Variants in KCNIP1 observed in about 807,000 individuals in gnomAD.
KCNIP1 encodes the protein A-type potassium channel modulatory protein KCNIP1.
In KCNIP1, 18 loss-of-function variants were observed where a neutral mutation model predicts 33.0. That is an observed-to-expected ratio of 0.55 (90% confidence interval 0.38 to 0.81). The LOEUF is 0.81. Ranked by LOEUF, KCNIP1 falls within the 30% of genes least tolerant of loss-of-function variation. KCNIP1 has a pLI of 0.00. For missense variants in KCNIP1, 238 were observed against 271.6 expected (o/e 0.88, Z 0.87); for synonymous variants, 93 against 98.3 (o/e 0.95, Z 0.32).
At chr5:170,481,757 A>G (rs1385418383) in intron 1 of KCNIP1, among the ~76,000 whole-genome samples, 3 of 152,106 alleles carry the variant, frequency 2.0e-5, no homozygotes, top group Non-Finnish European at 4.4e-5. Context: ...TGAATTTGGG[A>G]TTTATTACCT....
chr5:170,362,769 T>C (rs1024125660), intron 1 of KCNIP1, among the ~76,000 whole-genome samples: 3 of 152,224 alleles, frequency 2.0e-5, no homozygotes, highest in African/African-American at 7.2e-5. Context: ...CCTAATTTTC[T>C]TTCTGTAATC....
upstream of KCNIP1, chr5:170,503,983 C>A (rs909735640): frequency 6.4e-6 from 6 of 935,134 alleles, no homozygotes; most frequent in Non-Finnish European, 7.6e-6. Flanking sequence ...CGTAGTTGCC[C>A]GCCCGCCGCC....
chr5:170,466,710 C>T (rs891667694), intron 1 of KCNIP1, among the ~76,000 whole-genome samples: 1 of 152,130 alleles, frequency 6.6e-6, no homozygotes, highest in Non-Finnish European at 1.5e-5. Context: ...GCTATGTTCT[C>T]ACATGGTAGA....
rs140969377 is a variant in KCNIP1, at chr5:170,728,976, C to A, written c.436-3824C>A. Among the ~76,000 whole-genome samples the A allele has an allele frequency of 2.6e-3, 396 of 151,960 alleles. 2 individuals are homozygous for A. Among genetic ancestry groups the A allele is most frequent in the African/African-American group, 8.6e-3 (356 of 41,496 alleles). On this transcript the variant is annotated intron_variant, in intron 5 of 7. Transcript: ENST00000328939. The stretch of plus-strand genomic sequence containing the variant: ...TAGATCAATGGAACAAAATAGAAAT[C>A]CCAGGTACAAATACCATCTTGGTTC...
At chr5:170,377,125 C>T (rs1764034844) in intron 1 of KCNIP1, 1 of 152,326 alleles carries the variant, frequency 6.6e-6, no homozygotes, top group African/African-American at 2.4e-5. Flanking sequence ...TCACACCCAG[C>T]TCAGGACTGG....
chr5:170,560,596 T>G (rs1471301071), intron 1 of KCNIP1, among the ~76,000 whole-genome samples: 5 of 152,178 alleles, frequency 3.3e-5, no homozygotes, highest in African/African-American at 1.2e-4. Context: ...TTCTTGGTGG[T>G]GAAGGGGGCA....
At chr5:170,433,610 C>T (rs1451690821) in intron 1 of KCNIP1, among the ~76,000 whole-genome samples, 1 of 152,186 alleles carries the variant, frequency 6.6e-6, no homozygotes, top group Non-Finnish European at 1.5e-5. Flanking sequence ...AGAGGAGATG[C>T]TCAGTGATAA....
intron 1 of KCNIP1, among the ~76,000 whole-genome samples, chr5:170,425,015 A>G (rs1342289535): frequency 6.6e-6 from 1 of 152,200 alleles, no homozygotes; most frequent in Non-Finnish European, 1.5e-5. Context: ...TCAACCTGTC[A>G]TTCAGACCTC....
At chr5:170,698,155 AGCACT>A (rs1316024409) in intron 1 of KCNIP1, among the ~76,000 whole-genome samples, 1 of 152,162 alleles carries the variant, frequency 6.6e-6, no homozygotes, top group African/African-American at 2.4e-5. Flanking sequence ...CCATGTGGTA[AGCACT>A]GCCGGGTACC....
intron 1 of KCNIP1, among the ~76,000 whole-genome samples, chr5:170,479,399 A>G (rs1444770732): frequency 6.6e-6 from 1 of 152,158 alleles, no homozygotes; most frequent in Non-Finnish European, 1.5e-5. Context: ...ATTTTTTTCC[A>G]AGACTATTAG....
At chr5:170,506,426 A>G (rs1283887006) in intron 1 of KCNIP1, among the ~76,000 whole-genome samples, 1 of 152,164 alleles carries the variant, frequency 6.6e-6, no homozygotes, top group Non-Finnish European at 1.5e-5. Flanking sequence ...AAGTTGTTGT[A>G]AGGATGTGAG....
At chr5:170,549,018 C>A (rs1439934660) in intron 1 of KCNIP1, among the ~76,000 whole-genome samples, 2 of 152,106 alleles carry the variant, frequency 1.3e-5, no homozygotes, top group African/African-American at 4.8e-5. Context: ...ACCTCACGGT[C>A]ACTGTGAGGG....
At chr5:170,652,611 G>A (rs1741399022) in intron 1 of KCNIP1, among the ~76,000 whole-genome samples, 1 of 152,148 alleles carries the variant, frequency 6.6e-6, no homozygotes, top group African/African-American at 2.4e-5. Flanking sequence ...AGGAAAGGGG[G>A]CATTGCCCAC....
At position 170,557,431 on chromosome 5, in the gene KCNIP1, C is replaced by T. The variant is rs1756880367; in HGVS notation, c.61+52798C>T. Reference sequence around the variant, plus strand: ...ACCTCATGCCTTCTTCCCCTTCCCTCCTTCTCTCCTGCCTCCCCCTGCATT... The same window carrying T: ...ACCTCATGCCTTCTTCCCCTTCCCTTCTTCTCTCCTGCCTCCCCCTGCATT... On this transcript the variant is annotated intron_variant, in intron 1 of 7. Transcript: ENST00000328939. Among the ~76,000 whole-genome samples, 3 of 152,198 alleles carry T rather than the reference C, an allele frequency of 2.0e-5. No homozygotes were observed. The South Asian group carries it at 6.2e-4, about 32-fold the overall frequency.
intron 1 of KCNIP1, among the ~76,000 whole-genome samples, chr5:170,368,421 C>A (rs1163834042): frequency 6.6e-6 from 1 of 152,082 alleles, no homozygotes. Flanking sequence ...CCGGCCACCA[C>A]AGCCAGCTAA....
chr5:170,602,287 C>G (rs1007836964), intron 1 of KCNIP1, among the ~76,000 whole-genome samples: 1 of 152,202 alleles, frequency 6.6e-6, no homozygotes, highest in African/African-American at 2.4e-5. Context: ...CTTCCCTCCT[C>G]TGCATCTTAG....
rs368530849 is a variant in KCNIP1, at chr5:170,703,355, C to A, written c.62-15403C>A. ...GAAATGTAATAGGGAGTAGTGGGGA[C>A]TGCGGTTTAATTGTTGCCGTGTGGG... On this transcript the variant is annotated intron_variant, in intron 1 of 7. Coordinates refer to ENST00000328939, the MANE Select transcript of KCNIP1 (RefSeq NM_014592.4). Among the ~76,000 whole-genome samples, 17 of 138,334 alleles carry A rather than the reference C, an allele frequency of 1.2e-4. 6 individuals are homozygous for A. In the East Asian group the frequency reaches 7.7e-3, roughly 63 times the overall value. The allele number at this position is 138,334 out of a possible 152,430, so 90.8% of individuals were successfully genotyped here. A position where few individuals can be genotyped will look rare whatever the true frequency, so the allele number is the denominator to read the frequency against.
chr5:170,623,205 CCT>C (rs1008357759), intron 1 of KCNIP1, among the ~76,000 whole-genome samples: 8 of 138,010 alleles, frequency 5.8e-5, no homozygotes, highest in Non-Finnish European at 1.2e-4. Flanking sequence ...ATTGGCGACC[CCT>C]GTCTTTTTTT....
At chr5:170,415,710 C>G (rs1446487422) in intron 1 of KCNIP1, among the ~76,000 whole-genome samples, 2 of 152,202 alleles carry the variant, frequency 1.3e-5, no homozygotes, top group African/African-American at 4.8e-5. Context: ...GTCTGCCCCT[C>G]TCCCCTGGGC....
Sources: allele counts gnomAD v4.1 joint callset (sites outside exome capture counted in the v4.1 genomes callset), GRCh38; gene constraint gnomAD v4.1.1; transcripts MANE v1.5; gene names NCBI Gene and HGNC (gene_info 2026-07-23, HGNC 2026-07-21).